DLG2: variants seen among roughly 807,000 people sequenced by gnomAD.
The protein encoded by DLG2 is disks large homolog 2.
Under a neutral mutation model 132.5 loss-of-function variants are expected in DLG2, and 45 were observed. That is an observed-to-expected ratio of 0.34 (90% CI 0.27 to 0.44). The LOEUF (loss-of-function observed/expected upper bound fraction) is 0.44, where lower values mean the gene tolerates loss of function less well. DLG2 is among the 20% of genes least tolerant of loss of function. The pLI is 1.00. For synonymous variants in DLG2, 424 were observed against 419.6 expected (o/e 1.01, Z -0.13); for missense variants, 1,045 against 1,196.9 (o/e 0.87, Z 1.87).
At chr11:85,570,061 C>A (rs556895741) in intron 3 of DLG2, among the ~76,000 whole-genome samples, 9 of 152,244 alleles carry the variant, frequency 5.9e-5, no homozygotes, top group African/African-American at 1.9e-4. Flanking sequence ...CGCTCACTAC[C>A]TGGGTACAAC....
chr11:84,119,397 G>A (rs2093796100), intron 9 of DLG2, among the ~76,000 whole-genome samples: 1 of 151,696 alleles, frequency 6.6e-6, no homozygotes, highest in Non-Finnish European at 1.5e-5. Flanking sequence ...ATATGCAGAT[G>A]AGCGTTTTAG....
At chr11:85,021,535 T>A (rs2060066100) in intron 6 of DLG2, 3 of 1,586,958 alleles carry the variant, frequency 1.9e-6, no homozygotes, top group Non-Finnish European at 8.7e-7. Flanking sequence ...AATTTTGCCA[T>A]ACTTCGAAAA....
chr11:84,189,893 T>C lies in DLG2; in HGVS notation c.574-26382A>G, dbSNP rs187715563. ...GACACTGGGCTTAATACCTAGGTGA[T>C]GGGATGATCTGTGCAACAAACCACC... is the stretch of plus-strand genomic sequence containing the variant. On this transcript the variant is annotated intron_variant, in intron 8 of 27. Transcript: ENST00000376104. Among the ~76,000 whole-genome samples, 403 of 151,784 alleles carry C rather than the reference T, an allele frequency of 2.7e-3. 1 individual carries two copies. Among genetic ancestry groups the C allele is most frequent in the African/African-American group, 9.3e-3 (384 of 41,392 alleles).
intron 19 of DLG2, among the ~76,000 whole-genome samples, chr11:83,571,784 A>G (rs1307614992): frequency 6.6e-6 from 1 of 152,180 alleles, no homozygotes; most frequent in Non-Finnish European, 1.5e-5. Flanking sequence ...AGAGATTGGT[A>G]TGGGATCAAA....
intron 15 of DLG2, among the ~76,000 whole-genome samples, chr11:83,885,667 T>C (rs2067642766): frequency 6.6e-6 from 1 of 151,874 alleles, no homozygotes; most frequent in Admixed American, 6.6e-5. Flanking sequence ...AAAGTTGAAA[T>C]GAAGGAAAAA....
At chr11:83,714,810 G>C (rs2086311909) in intron 18 of DLG2, among the ~76,000 whole-genome samples, 3 of 152,200 alleles carry the variant, frequency 2.0e-5, no homozygotes, top group Admixed American at 2.0e-4. Flanking sequence ...TGCCACGTTG[G>C]TGGGAGTGTA....
chr11:85,544,047 G>T (rs545816044), intron 3 of DLG2, among the ~76,000 whole-genome samples: 1 of 152,222 alleles, frequency 6.6e-6, no homozygotes, highest in South Asian at 2.1e-4. Flanking sequence ...TGGTGTTTTA[G>T]TCTTGGAAGT....
chr11:84,574,276 T>C (rs371790915), intron 6 of DLG2, among the ~76,000 whole-genome samples: 1 of 152,238 alleles, frequency 6.6e-6, no homozygotes, highest in African/African-American at 2.4e-5. Flanking sequence ...AGAGTTTATA[T>C]CTTGAAAATA....
At chr11:85,200,520 G>A (rs932603603) in intron 4 of DLG2, among the ~76,000 whole-genome samples, 2 of 152,180 alleles carry the variant, frequency 1.3e-5, no homozygotes, top group Non-Finnish European at 2.9e-5. Context: ...AGGCGGCCCA[G>A]TCTCAGCATC....
At chr11:85,027,173 C>CTTTTTTTT (rs10571202) in intron 6 of DLG2, among the ~76,000 whole-genome samples, 2 of 69,338 alleles carry the variant, frequency 2.9e-5, no homozygotes, top group Non-Finnish European at 5.2e-5. Context: ...AGTGTGGTCT[C>CTTTTTTTT]TTTTTTTTTT....
chr11:83,715,494 T>C (rs964970842), intron 18 of DLG2, among the ~76,000 whole-genome samples: 3 of 152,182 alleles, frequency 2.0e-5, no homozygotes, highest in African/African-American at 7.2e-5. Flanking sequence ...AGCTGAGGCC[T>C]ATACCTGACA....
intron 9 of DLG2, among the ~76,000 whole-genome samples, chr11:84,146,993 T>C (rs926886601): frequency 1.3e-5 from 2 of 152,112 alleles, no homozygotes; most frequent in Admixed American, 6.6e-5. Context: ...TTTTCTGTAT[T>C]GTATGTCACA....
At chr11:84,155,497 C>T (rs756276937) in intron 9 of DLG2, among the ~76,000 whole-genome samples, 1 of 151,212 alleles carries the variant, frequency 6.6e-6, no homozygotes, top group Non-Finnish European at 1.5e-5. Context: ...TCAGGCTGAC[C>T]CTACCAGTGC....
intron 7 of DLG2, among the ~76,000 whole-genome samples, chr11:84,293,601 G>GATGC (rs1192712989): frequency 2.0e-5 from 3 of 152,170 alleles, no homozygotes; most frequent in Non-Finnish European, 2.9e-5. Context: ...TGGAACCTGG[G>GATGC]ATGCGGAGGT....
chr11:85,111,575 G>C, intron 6 of DLG2, 86 bp downstream of exon 6: 1 of 1,059,612 alleles, frequency 9.4e-7, no homozygotes, highest in Non-Finnish European at 1.3e-6. Flanking sequence ...ATTTCAGAGA[G>C]CATTCTGGCT....
intron 10 of DLG2, among the ~76,000 whole-genome samples, chr11:84,086,881 T>C (rs983371096): frequency 2.0e-5 from 3 of 152,242 alleles, no homozygotes; most frequent in Non-Finnish European, 2.9e-5. Flanking sequence ...TGGATTTCCC[T>C]ATTCTAGAAA....
intron 4 of DLG2, among the ~76,000 whole-genome samples, chr11:85,172,607 T>C (rs1027259492): frequency 6.6e-6 from 1 of 152,210 alleles, no homozygotes; most frequent in Non-Finnish European, 1.5e-5. Flanking sequence ...AGAACTGGGC[T>C]GAGGTTGAGA....
intron 5 of DLG2, among the ~76,000 whole-genome samples, chr11:85,145,436 C>T (rs1250302930): frequency 6.6e-6 from 1 of 152,000 alleles, no homozygotes; most frequent in Admixed American, 6.6e-5. Context: ...TTCTTTATTT[C>T]CTCCTTAAGG....
chr11:85,598,605 A>T lies in DLG2; in HGVS notation c.40+52T>A, dbSNP rs371633902. 5.3e-5 allele frequency: 73 copies of T among 1,383,334 alleles called. No individual in the cohort carries two copies. The African/African-American group carries it at 1.0e-3, about 20-fold the overall frequency. 85.7% of individuals were successfully genotyped at this position (1,383,334 alleles called of 1,614,324 possible). A position where few individuals can be genotyped will look rare whatever the true frequency, so the allele number is the denominator to read the frequency against. On this transcript the variant is annotated intron_variant, in intron 3 of 27. Coordinates refer to ENST00000376104, the MANE Select transcript of DLG2 (RefSeq NM_001142699.3). Reference sequence around the variant, plus strand: ...GTTCTTTGACCACATTATTCAAACTATCAAGCCCAATTCTGACCATTAAAA... The same window carrying T: ...GTTCTTTGACCACATTATTCAAACTTTCAAGCCCAATTCTGACCATTAAAA...
Sources: gnomAD v4.1 joint callset for allele counts (sites outside exome capture counted in the v4.1 genomes callset) on GRCh38, gnomAD v4.1.1 for gene constraint, MANE v1.5 for transcripts, NCBI Gene and HGNC (gene_info 2026-07-23, HGNC 2026-07-21) for gene names.